Variants in CAB39L observed in about 807,000 individuals in gnomAD.
CAB39L encodes the protein calcium binding protein 39 like, also known as calcium-binding protein 39-like.
Under a neutral mutation model 39.1 loss-of-function variants are expected in CAB39L, and 23 were observed. The ratio of observed to expected loss-of-function variants is 0.59; its 90% CI spans 0.42 to 0.83. The LOEUF is 0.83. Ranked by LOEUF, CAB39L falls within the 40% of genes least tolerant of loss-of-function variation. The pLI, the probability that CAB39L is intolerant of heterozygous loss-of-function variation, is 0.00. For synonymous variants in CAB39L, 126 were observed against 137.2 expected, an observed-to-expected ratio of 0.92 and a Z score of 0.57; for missense variants, 366 against 391.9, an observed-to-expected ratio of 0.93 and a Z score of 0.56.
rs1322718987 is a variant in CAB39L at position 49,329,543 on chromosome 13, AAATATATATATATATATATATATAT to A, written c.834+2379_834+2403del. 7.4e-3 allele frequency among the ~76,000 whole-genome samples: 247 copies of A among 33,422 alleles called. 15 individuals carry two copies. The South Asian group carries it at 0.091, about 12-fold the overall frequency. 21.9% of individuals were successfully genotyped at this position (33,422 alleles called of 152,430 possible). On this transcript the variant is annotated intron_variant, in intron 10 of 10. Coordinates refer to ENST00000409308, the MANE Select transcript of CAB39L (RefSeq NM_001079670.3). ...TACATATCTCTTCAATTAAAAAAAA[AAATATATATATATATATATATATAT>A]ATATATATATATATATATATATATA...
chr13:49,325,048 G>GT (rs1371741031), intron 10 of CAB39L, among the ~76,000 whole-genome samples: 1 of 152,292 alleles, frequency 6.6e-6, no homozygotes, highest in Admixed American at 6.5e-5. Context: ...AAACAGAGCC[G>GT]TAAGTAACAT....
At chr13:49,423,657 C>T (rs913116257) in intron 3 of CAB39L, among the ~76,000 whole-genome samples, 1 of 152,070 alleles carries the variant, frequency 6.6e-6, no homozygotes, top group Admixed American at 6.6e-5. Context: ...TTCATAAAAA[C>T]CAGAAAATAA....
At chr13:49,407,279 C>T (rs1176045746) in intron 3 of CAB39L, among the ~76,000 whole-genome samples, 1 of 152,112 alleles carries the variant, frequency 6.6e-6, no homozygotes, top group East Asian at 1.9e-4. Context: ...GCTTTGGTAG[C>T]TTAACTATGC....
intron 8 of CAB39L, among the ~76,000 whole-genome samples, chr13:49,341,215 G>A (rs1954994727): frequency 6.6e-6 from 1 of 151,228 alleles, no homozygotes; most frequent in Non-Finnish European, 1.5e-5. Flanking sequence ...TATATTAACA[G>A]TTCATTTCCT....
At chr13:49,314,061 C>T (rs930384472) in intron 10 of CAB39L, among the ~76,000 whole-genome samples, 1 of 152,084 alleles carries the variant, frequency 6.6e-6, no homozygotes, top group African/African-American at 2.4e-5. Flanking sequence ...AGAGCTAGTC[C>T]ATGAGTCAGG....
chr13:49,368,373 A>G (rs1453539554), intron 5 of CAB39L, among the ~76,000 whole-genome samples: 1 of 152,212 alleles, frequency 6.6e-6, no homozygotes, highest in Non-Finnish European at 1.5e-5. Context: ...CAGAACACTG[A>G]AACAGGTACA....
intron 7 of CAB39L, among the ~76,000 whole-genome samples, chr13:49,346,241 G>T (rs56232559): frequency 0.19 from 27,826 of 144,822 alleles, 2,925 homozygotes; most frequent in Admixed American, 0.27. Context: ...CATAATAAAT[G>T]TATATACAAA....
intron 3 of CAB39L, among the ~76,000 whole-genome samples, chr13:49,405,753 G>C (rs1402845986): frequency 6.8e-6 from 1 of 146,698 alleles, no homozygotes; most frequent in Admixed American, 6.8e-5. Flanking sequence ...AAGGAAGGGA[G>C]GGAGGGACGG....
intron 5 of CAB39L, among the ~76,000 whole-genome samples, chr13:49,366,336 C>T (rs1047897168): frequency 2.6e-5 from 4 of 151,824 alleles, no homozygotes; most frequent in African/African-American, 9.7e-5. Context: ...CTCATATACA[C>T]TACCTACTAT....
chr13:49,309,721 T>C lies in CAB39L; in HGVS notation c.*1093A>G, dbSNP rs912233110. On this transcript the variant is annotated 3_prime_UTR_variant, in exon 11 of 11. Transcript: ENST00000409308. Reference sequence around the variant, plus strand: ...GGACCAAAACTGTATAGGCTTTCTATGTGTTCACTAAAGACTGTGATGGGC... The same window carrying C: ...GGACCAAAACTGTATAGGCTTTCTACGTGTTCACTAAAGACTGTGATGGGC... 1.3e-5 allele frequency: 2 copies of C among 152,198 alleles called. No individual in the cohort carries two copies. The highest frequency in any genetic ancestry group is 2.4e-5 in the African/African-American group (1 of 41,446). 9.4% of individuals were successfully genotyped at this position (152,198 alleles called of 1,614,324 possible).
At chr13:49,407,419 G>A (rs760655091) in intron 3 of CAB39L, among the ~76,000 whole-genome samples, 1 of 152,034 alleles carries the variant, frequency 6.6e-6, no homozygotes, top group Non-Finnish European at 1.5e-5. Flanking sequence ...ACTAGCCAAT[G>A]AATGTTTAAG....
Position 49,377,138 on chromosome 13 carries a change from A to G in CAB39L, c.112-7T>C. 6.2e-7 allele frequency: 1 copy of G among 1,610,918 alleles called. No individual in the cohort carries two copies. Among genetic ancestry groups the G allele is most frequent in the Non-Finnish European group, 8.5e-7 (1 of 1,178,046 alleles). On this transcript the variant is annotated splice_region_variant and splice_polypyrimidine_tract_variant and intron_variant, in intron 4 of 10. Coordinates refer to ENST00000409308, the MANE Select transcript of CAB39L (RefSeq NM_001079670.3). ...TAGACACTTCTTCTGAAGCCTAGTG[A>G]CCAAAACGTATGCTAACGGTTAAAA...
intron 4 of CAB39L, among the ~76,000 whole-genome samples, chr13:49,378,143 G>A (rs1334789733): frequency 2.6e-5 from 2 of 78,214 alleles, no homozygotes; most frequent in Admixed American, 1.0e-4. Flanking sequence ...GAAGTGAGGA[G>A]CCCCTCCGCC....
chr13:49,361,764 T>C (rs148977560), intron 5 of CAB39L, among the ~76,000 whole-genome samples: 1 of 152,236 alleles, frequency 6.6e-6, no homozygotes, highest in Non-Finnish European at 1.5e-5. Context: ...TCATGAACTC[T>C]GTCATTCTTT....
chr13:49,431,807 T>C (rs1163389735), intron 3 of CAB39L, among the ~76,000 whole-genome samples: 1 of 152,186 alleles, frequency 6.6e-6, no homozygotes, highest in Non-Finnish European at 1.5e-5. Flanking sequence ...AAAGAATGCA[T>C]ATGTCCATAT....
At chr13:49,381,992 T>C (rs1956261368) in intron 4 of CAB39L, among the ~76,000 whole-genome samples, 1 of 152,248 alleles carries the variant, frequency 6.6e-6, no homozygotes, top group Non-Finnish European at 1.5e-5. Context: ...AAAGTCCTCA[T>C]TGCTCTCCAT....
intron 3 of CAB39L, among the ~76,000 whole-genome samples, chr13:49,402,384 G>A (rs1198882077): frequency 6.6e-6 from 1 of 152,130 alleles, no homozygotes; most frequent in Non-Finnish European, 1.5e-5. Flanking sequence ...TTGGAATTAG[G>A]AGGCAATGTA....
rs559700189 is a variant in CAB39L, at chr13:49,327,291, C to A, written c.834+4656G>T. On this transcript the variant is annotated intron_variant, in intron 10 of 10. Transcript: ENST00000409308. The stretch of plus-strand genomic sequence containing the variant: ...ATCCTGAATTTGGCATTTGGCATTC[C>A]CATGCATTTTGCAATTTTGTTTGTT... Among the ~76,000 whole-genome samples, 93 of 152,078 alleles carry A rather than the reference C, an allele frequency of 6.1e-4. 1 individual carries two copies. The South Asian group carries it at 0.019, about 31-fold the overall frequency.
At chr13:49,390,240 C>T (rs1004664605) in intron 3 of CAB39L, among the ~76,000 whole-genome samples, 2 of 152,044 alleles carry the variant, frequency 1.3e-5, no homozygotes, top group Non-Finnish European at 2.9e-5. Flanking sequence ...CTATACTTTG[C>T]CCATTTCATA....
Sources: allele counts gnomAD v4.1 joint callset (sites outside exome capture counted in the v4.1 genomes callset), GRCh38; gene constraint gnomAD v4.1.1; transcripts MANE v1.5; gene names NCBI Gene and HGNC (gene_info 2026-07-23, HGNC 2026-07-21).